ECPAS: variants seen among roughly 807,000 people sequenced by gnomAD.
The protein encoded by ECPAS is Ecm29 proteasome adaptor and scaffold.
ECPAS carries 70 observed loss-of-function variants against 255.1 expected under a neutral mutation model. The ratio of observed to expected loss-of-function variants is 0.27; its 90% confidence interval spans 0.23 to 0.33. ECPAS has a LOEUF of 0.33. Ranked by LOEUF, ECPAS falls within the 10% of genes least tolerant of loss-of-function variation. The probability of loss-of-function intolerance (pLI) is 1.00; values close to 1 mark genes in which losing one functional copy is unlikely to be tolerated. For missense variants in ECPAS, 1,817 were observed against 2,206.4 expected (o/e 0.82, Z 3.54); for synonymous variants, 784 against 775.0 (o/e 1.01, Z -0.19).
chr9:111,410,814 C>T (rs962283767), intron 22 of ECPAS, among the ~76,000 whole-genome samples, 166 bp downstream of exon 22: 23 of 152,300 alleles, frequency 1.5e-4, no homozygotes, highest in African/African-American at 5.5e-4. Flanking sequence ...CCACCACACC[C>T]AGCCTTCGTT....
chr9:111,395,046 C>G (rs961186489), intron 25 of ECPAS, among the ~76,000 whole-genome samples: 2 of 152,172 alleles, frequency 1.3e-5, no homozygotes, highest in African/African-American at 4.8e-5. Flanking sequence ...GATGGTTTCT[C>G]AATTCTCACT....
intron 17 of ECPAS, among the ~76,000 whole-genome samples, chr9:111,417,260 T>A (rs1452080525): frequency 1.3e-5 from 2 of 151,414 alleles, no homozygotes; most frequent in African/African-American, 2.4e-5. Flanking sequence ...AAAAAAATTT[T>A]AAAAAAAGGA....
chr9:111,430,864 T>C (rs2098228801), intron 8 of ECPAS, among the ~76,000 whole-genome samples: 1 of 152,180 alleles, frequency 6.6e-6, no homozygotes, highest in South Asian at 2.1e-4. Context: ...AACAGATTAT[T>C]GTATCCAATG....
chr9:111,483,464 C>G (rs1187497892), intron 1 of ECPAS: 6 of 969,874 alleles, frequency 6.2e-6, no homozygotes, highest in Non-Finnish European at 7.3e-6. Flanking sequence ...GCGCGGCGCC[C>G]GTTCCGGCTC....
At chr9:111,441,237 C>T (rs776656508) in intron 5 of ECPAS, among the ~76,000 whole-genome samples, 36 of 151,558 alleles carry the variant, frequency 2.4e-4, no homozygotes, top group Admixed American at 6.6e-4. Context: ...GGCACAGTGG[C>T]TCACACCTGT....
At chr9:111,425,976 TAGAA>T (rs1227828626) in intron 10 of ECPAS, 148 bp from the exon 11 acceptor site, 5 of 501,986 alleles carry the variant, frequency 1.0e-5, no homozygotes, top group African/African-American at 3.9e-5. Flanking sequence ...CTGACCAACT[TAGAA>T]AGCCAATCAG....
rs1165744772 is a variant in ECPAS at position 111,361,378 on chromosome 9, A to T, written c.*652T>A. The stretch of plus-strand genomic sequence containing the variant: ...AAATCAACCACCTAAACACATGACA[A>T]GACAATGTTTAGCTTCTGGCTTTCA... On this transcript the variant is annotated 3_prime_UTR_variant, in exon 50 of 50. Transcript: ENST00000684092. The T allele has an allele frequency of 2.0e-5, 3 of 152,272 alleles. No individual in the cohort carries two copies. The highest frequency in any genetic ancestry group is 4.4e-5 in the Non-Finnish European group (3 of 68,070). The allele number at this position is 152,272 out of a possible 1,614,324, so 9.4% of individuals were successfully genotyped here.
chr9:111,397,973 G>C (rs1299850578), intron 24 of ECPAS, among the ~76,000 whole-genome samples: 2 of 152,186 alleles, frequency 1.3e-5, no homozygotes, highest in Non-Finnish European at 2.9e-5. Context: ...TGATTCACTA[G>C]TAGGAGTCAC....
At chr9:111,433,136 T>C in intron 8 of ECPAS, 97 bp downstream of exon 8, 1 of 1,218,768 alleles carries the variant, frequency 8.2e-7, no homozygotes, top group Non-Finnish European at 1.2e-6. Context: ...CTAAGTTGAA[T>C]GCCTCATTAC....
intron 25 of ECPAS, among the ~76,000 whole-genome samples, chr9:111,395,684 G>A (rs563686073): frequency 2.0e-5 from 3 of 152,200 alleles, no homozygotes; most frequent in South Asian, 4.2e-4. Flanking sequence ...AAAAACCCAT[G>A]GAGTCAAAAA....
intron 31 of ECPAS, among the ~76,000 whole-genome samples, chr9:111,389,170 G>A (rs896850258): frequency 1.3e-5 from 2 of 152,204 alleles, no homozygotes; most frequent in African/African-American, 4.8e-5. Context: ...CACCAACAGA[G>A]AAAACAAAAT....
In ECPAS at chr9:111,373,960, T is replaced by C; in HGVS notation, c.4177+12A>G. On this transcript the variant is annotated intron_variant, in intron 39 of 49. Coordinates refer to ENST00000684092, the MANE Select transcript of ECPAS (RefSeq NM_001364929.1). ...TGCAAAAATATCACCACACATCCCT[T>C]GACAAACTCACCTGAGTAAGGTGTT... The C allele has an allele frequency of 6.2e-7, 1 of 1,605,976 alleles. No individual in the cohort carries two copies. Among genetic ancestry groups the C allele is most frequent in the Non-Finnish European group, 8.5e-7 (1 of 1,172,644 alleles).
At chr9:111,478,770 C>T (rs925442995) in intron 1 of ECPAS, among the ~76,000 whole-genome samples, 7 of 152,142 alleles carry the variant, frequency 4.6e-5, no homozygotes, top group African/African-American at 1.7e-4. Context: ...TATGATATTA[C>T]TTTAGTATTA....
At position 111,440,655 on chromosome 9, in the gene ECPAS, A is replaced by G. The variant is rs1049161506; in HGVS notation, c.390-134T>C. 7 of 637,272 alleles carry G rather than the reference A, an allele frequency of 1.1e-5. No homozygotes were observed. In the Admixed American group the frequency reaches 1.2e-4, roughly 11 times the overall value. 39.5% of individuals were successfully genotyped at this position (637,272 alleles called of 1,614,324 possible). A position where few individuals can be genotyped will look rare whatever the true frequency, so the allele number is the denominator to read the frequency against. On this transcript the variant is annotated intron_variant, in intron 5 of 49. Transcript: ENST00000684092. ...AGAGACATTCCTTTTCAACACTACT[A>G]ATTTACAAAGTCCTAATCTAGGGAC...
At chr9:111,478,250 C>T (rs1433653239) in intron 1 of ECPAS, among the ~76,000 whole-genome samples, 2 of 151,702 alleles carry the variant, frequency 1.3e-5, no homozygotes, top group African/African-American at 2.4e-5. Context: ...ATAAATAGGC[C>T]GGACACAGTG....
rs141517725 is a variant in ECPAS, at chr9:111,468,689, C to CGTGTGT, written c.22+4202_22+4207dup. On this transcript the variant is annotated intron_variant, in intron 2 of 49. Transcript: ENST00000684092. Reference sequence around the variant, plus strand: ...TGTGTGTTTCATGTCCAAGCTCAAACGTGTGTGTGTGTGTGTTTCACGTCC... The same window carrying CGTGTGT: ...TGTGTGTTTCATGTCCAAGCTCAAACGTGTGTGTGTGTGTGTGTGTGTTTCACGTCC... 8.0e-5 allele frequency among the ~76,000 whole-genome samples: 12 copies of CGTGTGT among 150,020 alleles called. No individual in the cohort carries two copies. The East Asian group carries it at 2.2e-3, about 27-fold the overall frequency.
intron 18 of ECPAS, 54 bp from the exon 19 acceptor site, chr9:111,414,705 G>A: frequency 6.9e-7 from 1 of 1,451,892 alleles, no homozygotes; most frequent in Admixed American, 1.8e-5. Context: ...AGTCAGTGTG[G>A]GAAGGTACTC....
intron 24 of ECPAS, among the ~76,000 whole-genome samples, chr9:111,400,403 C>T (rs910990766): frequency 3.9e-5 from 6 of 152,108 alleles, no homozygotes; most frequent in African/African-American, 1.2e-4. Flanking sequence ...AAAACATGTT[C>T]GAAAAAACAT....
At chr9:111,463,216 C>T (rs1019822791) in intron 2 of ECPAS, among the ~76,000 whole-genome samples, 3 of 152,216 alleles carry the variant, frequency 2.0e-5, no homozygotes, top group African/African-American at 7.2e-5. Flanking sequence ...TCTCAAACAC[C>T]GCTAGTTAGT....
Sources: allele counts gnomAD v4.1 joint callset (sites outside exome capture counted in the v4.1 genomes callset), GRCh38; gene constraint gnomAD v4.1.1; transcripts MANE v1.5; gene names NCBI Gene and HGNC (gene_info 2026-07-23, HGNC 2026-07-21).